The following PPARGC1A variants were observed in gnomAD, a reference collection of about 807,000 sequenced individuals.
The protein encoded by PPARGC1A is peroxisome proliferator-activated receptor gamma coactivator 1-alpha.
A neutral mutation model predicts 88.7 loss-of-function variants in PPARGC1A; 25 were observed. The observed-to-expected ratio is 0.28, with a 90% CI of 0.21 to 0.39. The LOEUF (loss-of-function observed/expected upper bound fraction) is 0.39. Among genes scored for constraint, PPARGC1A ranks in the 10% least tolerant of loss-of-function variants. The pLI, the probability that PPARGC1A is intolerant of heterozygous loss-of-function variation, is 1.00. For synonymous variants in PPARGC1A, 363 were observed against 355.6 expected, an observed-to-expected ratio of 1.02 and a Z score of -0.24; for missense variants, 880 against 968.7, an observed-to-expected ratio of 0.91 and a Z score of 1.22.
At chr4:24,458,716 G>A in the PPARGC1A span, among the ~76,000 whole-genome samples, 4 of 152,014 alleles carry the variant, frequency 2.6e-5, no homozygotes, top group Non-Finnish European at 5.9e-5. Context: ...AGTCATAATT[G>A]GTGACAACCT....
chr4:23,885,385 C>G (rs928184462), intron 1 of PPARGC1A, among the ~76,000 whole-genome samples: 1 of 152,112 alleles, frequency 6.6e-6, no homozygotes. Context: ...GGAAAAAGAA[C>G]AGAGGAACTA....
At chr4:23,925,005 A>G in the PPARGC1A span, among the ~76,000 whole-genome samples, 1 of 152,362 alleles carries the variant, frequency 6.6e-6, no homozygotes, top group Non-Finnish European at 1.5e-5. Context: ...AACTACTGTA[A>G]CAATTAAAGC....
chr4:24,310,293 C>CA, the PPARGC1A span, among the ~76,000 whole-genome samples: 1 of 151,956 alleles, frequency 6.6e-6, no homozygotes, highest in Non-Finnish European at 1.5e-5. Context: ...CTAAAAACCA[C>CA]AAAAATGGGA....
chr4:24,199,713 C>T, the PPARGC1A span, among the ~76,000 whole-genome samples: 1 of 152,140 alleles, frequency 6.6e-6, no homozygotes, highest in East Asian at 1.9e-4. Context: ...TCTGATGATA[C>T]CAAGTGTTAG....
chr4:23,949,762 C>G, the PPARGC1A span, among the ~76,000 whole-genome samples: 2 of 152,212 alleles, frequency 1.3e-5, no homozygotes, highest in South Asian at 2.1e-4. Flanking sequence ...GCCACCCCTT[C>G]CCCCACAATC....
the PPARGC1A span, among the ~76,000 whole-genome samples, chr4:23,966,936 T>C: frequency 6.6e-6 from 1 of 152,314 alleles, no homozygotes; most frequent in Admixed American, 6.5e-5. Context: ...TGTGAGGCCA[T>C]GCATCTCCCA....
the PPARGC1A span, among the ~76,000 whole-genome samples, chr4:23,944,778 G>T: frequency 6.6e-6 from 1 of 152,140 alleles, no homozygotes; most frequent in Non-Finnish European, 1.5e-5. Flanking sequence ...TCTCCTTGCT[G>T]CTGCCGTGTA....
chr4:24,421,426 T>C, the PPARGC1A span, among the ~76,000 whole-genome samples: 1 of 151,604 alleles, frequency 6.6e-6, no homozygotes, highest in Non-Finnish European at 1.5e-5. Flanking sequence ...TTCTCCTGCC[T>C]CAGCCTCCCG....
the PPARGC1A span, among the ~76,000 whole-genome samples, chr4:24,141,148 GA>G: frequency 4.1e-4 from 62 of 152,238 alleles, no homozygotes; most frequent in East Asian, 0.011. Flanking sequence ...AACAAAAGCA[GA>G]AAAAAATCCC....
chr4:24,396,538 C>T, the PPARGC1A span, among the ~76,000 whole-genome samples: 1 of 152,156 alleles, frequency 6.6e-6, no homozygotes, highest in African/African-American at 2.4e-5. Context: ...GCCGACATGG[C>T]TGTCTGTGAA....
the PPARGC1A span, among the ~76,000 whole-genome samples, chr4:24,328,500 C>A: frequency 6.6e-6 from 1 of 152,100 alleles, no homozygotes; most frequent in South Asian, 2.1e-4. Context: ...ACCCTTTAGG[C>A]AGGGAGGATT....
chr4:24,440,580 T>C, the PPARGC1A span, among the ~76,000 whole-genome samples: 575 of 152,278 alleles, frequency 3.8e-3, 7 homozygotes, highest in South Asian at 2.7e-3. Context: ...GATGGGCGGA[T>C]CACTTGAGGT....
the PPARGC1A span, among the ~76,000 whole-genome samples, chr4:24,332,946 A>G: frequency 6.6e-6 from 1 of 152,344 alleles, no homozygotes; most frequent in African/African-American, 2.4e-5. Context: ...AAATACTTTA[A>G]AAGTGTAATA....
At chr4:24,366,457 G>A in the PPARGC1A span, among the ~76,000 whole-genome samples, 11 of 152,208 alleles carry the variant, frequency 7.2e-5, no homozygotes, top group South Asian at 2.1e-4. Context: ...ACCAGTGATC[G>A]AGCAAAGAAA....
chr4:24,366,184 C>T, the PPARGC1A span, among the ~76,000 whole-genome samples: 1 of 152,172 alleles, frequency 6.6e-6, no homozygotes, highest in Non-Finnish European at 1.5e-5. Flanking sequence ...TAAACCAAAA[C>T]ACCATCATCT....
the PPARGC1A span, among the ~76,000 whole-genome samples, chr4:24,215,440 AG>A: frequency 6.6e-6 from 1 of 152,070 alleles, no homozygotes; most frequent in Non-Finnish European, 1.5e-5. Context: ...TTTCGGAGAG[AG>A]AAAAAAAAAT....
the PPARGC1A span, among the ~76,000 whole-genome samples, chr4:24,278,001 C>A: frequency 6.6e-6 from 1 of 151,936 alleles, no homozygotes; most frequent in Admixed American, 6.6e-5. Flanking sequence ...ACAGCAAGAC[C>A]TTTGCTCTAT....
intron 7 of PPARGC1A, among the ~76,000 whole-genome samples, chr4:23,821,170 A>G (rs61436832): frequency 0.038 from 5,724 of 152,200 alleles, 115 homozygotes; most frequent in Middle Eastern, 0.058. Context: ...GTCAATTACT[A>G]TCTTTAAAAT....
chr4:24,296,128 A>C, the PPARGC1A span, among the ~76,000 whole-genome samples: 6 of 150,844 alleles, frequency 4.0e-5, no homozygotes. Context: ...ATATATACAC[A>C]TGTATATAGA....
Sources: gnomAD v4.1 joint callset for allele counts (sites outside exome capture counted in the v4.1 genomes callset) on GRCh38, gnomAD v4.1.1 for gene constraint, MANE v1.5 for transcripts, NCBI Gene and HGNC (gene_info 2026-07-23, HGNC 2026-07-21) for gene names.